Variants in TEKTL1 observed in about 807,000 individuals in gnomAD.
TEKTL1 encodes tektin-like protein 1.
At chr19:15,023,041 C>T in the TEKTL1 span, 14 of 1,611,734 alleles carry the variant, frequency 8.7e-6, no homozygotes, top group African/African-American at 2.7e-5. Context: ...ACGTGTGCTA[C>T]GAGCAGGCGC....
At chr19:15,023,033 G>C in the TEKTL1 span, 2 of 1,612,634 alleles carry the variant, frequency 1.2e-6, no homozygotes, top group South Asian at 2.2e-5. Context: ...GCAACCGCAC[G>C]TGTGCTACGA....
At chr19:15,011,208 C>T in the TEKTL1 span, 2 of 1,474,026 alleles carry the variant, frequency 1.4e-6, no homozygotes, top group East Asian at 5.1e-5. Context: ...GTGGTGCACG[C>T]GCACGCGCGT....
At chr19:15,023,109 C>A in the TEKTL1 span, 9 of 1,603,842 alleles carry the variant, frequency 5.6e-6, no homozygotes, top group East Asian at 1.6e-4. Context: ...AAGAGCAGCG[C>A]GGACCCCTAG....
chr19:15,018,332 A>T, the TEKTL1 span, among the ~76,000 whole-genome samples: 9 of 152,178 alleles, frequency 5.9e-5, no homozygotes, highest in East Asian at 1.5e-3. Context: ...ATCTGTCTGG[A>T]AGTGAGCAGA....
the TEKTL1 span, among the ~76,000 whole-genome samples, chr19:15,021,060 A>G: frequency 5.9e-5 from 9 of 152,022 alleles, no homozygotes; most frequent in Admixed American, 5.2e-4. Context: ...TTGTATTTTT[A>G]GTAGAGGCGG....
chr19:15,015,659 G>A, the TEKTL1 span, among the ~76,000 whole-genome samples: 25 of 152,072 alleles, frequency 1.6e-4, 1 homozygote, highest in South Asian at 2.1e-4. Flanking sequence ...AATTCTGGAG[G>A]TGGATTGCAA....
At chr19:15,013,386 C>T in the TEKTL1 span, among the ~76,000 whole-genome samples, 2 of 152,166 alleles carry the variant, frequency 1.3e-5, no homozygotes, top group Non-Finnish European at 2.9e-5. Context: ...CAACCCTCCC[C>T]CAAGTTGAGA....
chr19:15,011,051 G>A, the TEKTL1 span: 1 of 1,578,320 alleles, frequency 6.3e-7, no homozygotes. Flanking sequence ...CTTCCGCGTG[G>A]AGATGATCAA....
chr19:15,011,410 C>A, the TEKTL1 span: 3 of 1,410,730 alleles, frequency 2.1e-6, no homozygotes, highest in South Asian at 1.6e-5. Context: ...GACCCTCCCC[C>A]ACGCCCAACC....
chr19:15,014,708 A>T, the TEKTL1 span, among the ~76,000 whole-genome samples: 14 of 51,230 alleles, frequency 2.7e-4, no homozygotes, highest in Admixed American at 3.3e-3. Flanking sequence ...GGTGTGGACG[A>T]GGCAGGAGAC....
At chr19:15,012,087 C>T in the TEKTL1 span, among the ~76,000 whole-genome samples, 2 of 150,496 alleles carry the variant, frequency 1.3e-5, no homozygotes, top group African/African-American at 4.9e-5. Context: ...GAGACCCCGT[C>T]TCTACAAAAA....
chr19:15,023,029 G>A, the TEKTL1 span: 3 of 1,612,464 alleles, frequency 1.9e-6, no homozygotes, highest in African/African-American at 2.7e-5. Flanking sequence ...AGCGGCAACC[G>A]CACGTGTGCT....
chr19:15,022,023 G>C, the TEKTL1 span: 2 of 904,124 alleles, frequency 2.2e-6, no homozygotes, highest in East Asian at 5.2e-5. Flanking sequence ...CACCCAAGTC[G>C]GCCTGTCCTT....
chr19:15,021,790 C>A, the TEKTL1 span: 1 of 1,613,004 alleles, frequency 6.2e-7, no homozygotes, highest in Non-Finnish European at 8.5e-7. Flanking sequence ...TGCGCTTGCA[C>A]ACCGCACCCC....
At chr19:15,016,462 C>G in the TEKTL1 span, among the ~76,000 whole-genome samples, 1 of 152,236 alleles carries the variant, frequency 6.6e-6, no homozygotes, top group Admixed American at 6.5e-5. Flanking sequence ...GCTAGGATTA[C>G]AGGCATGAGC....
At chr19:15,022,031 CT>C in the TEKTL1 span, 1 of 815,020 alleles carries the variant, frequency 1.2e-6, no homozygotes, top group Non-Finnish European at 1.9e-6. Flanking sequence ...TCGGCCTGTC[CT>C]TCAACTCCTG....
At chr19:15,019,187 G>A in the TEKTL1 span, among the ~76,000 whole-genome samples, 6 of 152,082 alleles carry the variant, frequency 3.9e-5, no homozygotes, top group Non-Finnish European at 5.9e-5. Flanking sequence ...AGGCTCAAGC[G>A]ATCCTCCCAT....
the TEKTL1 span, chr19:15,011,482 TC>T: frequency 8.2e-7 from 1 of 1,226,908 alleles, no homozygotes; most frequent in Non-Finnish European, 1.1e-6. Context: ...GGAAATCCTT[TC>T]CATACTTTGG....
chr19:15,017,457 G>A, the TEKTL1 span, among the ~76,000 whole-genome samples: 1 of 152,088 alleles, frequency 6.6e-6, no homozygotes, highest in African/African-American at 2.4e-5. Flanking sequence ...TCATTTTATT[G>A]TGGAGGAAGT....
Sources: allele counts gnomAD v4.1 joint callset (sites outside exome capture counted in the v4.1 genomes callset), GRCh38; gene constraint gnomAD v4.1.1; transcripts MANE v1.5; gene names NCBI Gene and HGNC (gene_info 2026-07-23, HGNC 2026-07-21).